ROBO1: variants seen among roughly 807,000 people sequenced by gnomAD.
ROBO1 encodes the protein roundabout guidance receptor 1.
In ROBO1, 149 loss-of-function variants were observed where a neutral mutation model predicts 195.9. That is an observed-to-expected ratio of 0.76 (90% confidence interval 0.67 to 0.87). The LOEUF (loss-of-function observed/expected upper bound fraction) is 0.87. Ranked by LOEUF, ROBO1 falls within the 40% of genes least tolerant of loss-of-function variation. The pLI, the probability that ROBO1 is intolerant of heterozygous loss-of-function variation, is 0.00. For missense variants in ROBO1, 1,933 were observed against 2,068.3 expected, an observed-to-expected ratio of 0.93 and a Z score of 1.27; for synonymous variants, 816 against 733.2, an observed-to-expected ratio of 1.11 and a Z score of -1.82.
intron 2 of ROBO1, among the ~76,000 whole-genome samples, chr3:79,311,507 A>G (rs368800273): frequency 1.4e-4 from 22 of 152,200 alleles, no homozygotes; most frequent in African/African-American, 4.3e-4. Flanking sequence ...TTACAAAGCT[A>G]TTTTCTCCAC....
chr3:79,414,580 C>T (rs2037919469), intron 2 of ROBO1, among the ~76,000 whole-genome samples: 1 of 152,072 alleles, frequency 6.6e-6, no homozygotes, highest in Non-Finnish European at 1.5e-5. Flanking sequence ...AAAGAAACCT[C>T]ATTACATTTA....
At chr3:78,995,676 G>A (rs1000136027) in intron 3 of ROBO1, among the ~76,000 whole-genome samples, 10 of 11,306 alleles carry the variant, frequency 8.8e-4, no homozygotes, top group African/African-American at 3.6e-4. Context: ...AGAGACCGGA[G>A]GATCACATGA....
At chr3:79,074,968 C>T (rs2108446128) in intron 3 of ROBO1, among the ~76,000 whole-genome samples, 1 of 151,712 alleles carries the variant, frequency 6.6e-6, no homozygotes, top group African/African-American at 2.4e-5. Flanking sequence ...AAACAGAAAC[C>T]TTTAATTGTG....
At position 78,867,456 on chromosome 3, in the gene ROBO1, A is replaced by C. The variant is rs189119719; in HGVS notation, c.499+71145T>G. Among the ~76,000 whole-genome samples, 4 of 152,314 alleles carry C rather than the reference A, an allele frequency of 2.6e-5. No homozygotes were observed. The East Asian group carries it at 7.7e-4, about 29-fold the overall frequency. On this transcript the variant is annotated intron_variant, in intron 4 of 30. Transcript: ENST00000464233. The stretch of plus-strand genomic sequence containing the variant: ...AGAAAGGATCTCTTGTGCATGAAAG[A>C]AAATTACCTTCTTTTCAGTAAGACA...
intron 1 of ROBO1, among the ~76,000 whole-genome samples, chr3:79,758,216 T>G (rs1202785554): frequency 1.3e-5 from 2 of 152,222 alleles, no homozygotes; most frequent in Non-Finnish European, 2.9e-5. Flanking sequence ...TCTCTGATGA[T>G]GGAAACCGTC....
chr3:78,736,649 G>C (rs1352367650), intron 5 of ROBO1, among the ~76,000 whole-genome samples: 1 of 152,166 alleles, frequency 6.6e-6, no homozygotes, highest in Non-Finnish European at 1.5e-5. Flanking sequence ...TGAAAAGACA[G>C]AGCAAGAACC....
chr3:78,721,943 G>A (rs2082054621), intron 5 of ROBO1, among the ~76,000 whole-genome samples: 1 of 152,008 alleles, frequency 6.6e-6, no homozygotes, highest in Non-Finnish European at 1.5e-5. Flanking sequence ...GAGTAATGAG[G>A]GCACTGCCAG....
At chr3:79,295,196 C>G (rs1467280891) in intron 2 of ROBO1, among the ~76,000 whole-genome samples, 5 of 152,146 alleles carry the variant, frequency 3.3e-5, no homozygotes, top group Non-Finnish European at 5.9e-5. Flanking sequence ...CTGGAACCAA[C>G]CCAAATGCCC....
intron 3 of ROBO1, among the ~76,000 whole-genome samples, chr3:78,996,213 C>T (rs1377583442): frequency 6.6e-6 from 1 of 151,972 alleles, no homozygotes; most frequent in Non-Finnish European, 1.5e-5. Context: ...AAGCCAGGCA[C>T]GGTGGCTCAC....
intron 2 of ROBO1, among the ~76,000 whole-genome samples, chr3:79,415,131 C>T (rs375399876): frequency 3.9e-5 from 6 of 152,046 alleles, no homozygotes; most frequent in Admixed American, 6.6e-5. Context: ...TGTGAGTAGT[C>T]GAAAGCCTTC....
intron 2 of ROBO1, among the ~76,000 whole-genome samples, chr3:79,451,925 A>G (rs1389106520): frequency 6.6e-6 from 1 of 152,050 alleles, no homozygotes; most frequent in African/African-American, 2.4e-5. Flanking sequence ...GAAAAAAAAA[A>G]GTTAAGCAAT....
At chr3:79,583,221 A>G (rs1426615865) in intron 2 of ROBO1, among the ~76,000 whole-genome samples, 1 of 151,976 alleles carries the variant, frequency 6.6e-6, no homozygotes, top group African/African-American at 2.4e-5. Flanking sequence ...CAAGCCATTA[A>G]GTTTATTATG....
At chr3:78,683,973 C>T (rs1047023644) in intron 10 of ROBO1, among the ~76,000 whole-genome samples, 1 of 151,830 alleles carries the variant, frequency 6.6e-6, no homozygotes, top group African/African-American at 2.4e-5. Context: ...AAGAGAATGA[C>T]CAGGAAGAAA....
chr3:79,240,422 T>C (rs1015816807), intron 2 of ROBO1, among the ~76,000 whole-genome samples: 1 of 152,188 alleles, frequency 6.6e-6, no homozygotes, highest in Admixed American at 6.5e-5. Flanking sequence ...GATTGTGTTT[T>C]AGCAGAATAA....
At chr3:78,600,495 T>C (rs1703109417) in intron 29 of ROBO1, among the ~76,000 whole-genome samples, 186 bp from the exon 30 acceptor site, 3 of 152,182 alleles carry the variant, frequency 2.0e-5, no homozygotes, top group Non-Finnish European at 4.4e-5. Flanking sequence ...GTATAAGCCT[T>C]GTTGTTTTCC....
intron 1 of ROBO1, among the ~76,000 whole-genome samples, chr3:79,653,279 A>G (rs1946066785): frequency 6.6e-6 from 1 of 151,930 alleles, no homozygotes; most frequent in African/African-American, 2.4e-5. Flanking sequence ...TTTAATTAAA[A>G]TATTTTCTTG....
chr3:79,239,731 CTT>C (rs893265261), intron 2 of ROBO1, among the ~76,000 whole-genome samples: 5 of 152,118 alleles, frequency 3.3e-5, no homozygotes, highest in African/African-American at 1.2e-4. Context: ...ATTGCATTCT[CTT>C]TTACATCTGT....
At position 79,504,346 on chromosome 3, in the gene ROBO1, T is replaced by A. The variant is rs768327448; in HGVS notation, c.88+85478A>T. Among the ~76,000 whole-genome samples the A allele has an allele frequency of 2.6e-5, 4 of 152,106 alleles. No individual in the cohort carries two copies. The East Asian group carries it at 7.7e-4, about 29-fold the overall frequency. Reference sequence around the variant, plus strand: ...AAATCTCCAGACTAATATAAATGTATAAATATATATTCATATTTTTGTTAG... The same window carrying A: ...AAATCTCCAGACTAATATAAATGTAAAAATATATATTCATATTTTTGTTAG... On this transcript the variant is annotated intron_variant, in intron 2 of 30. Transcript: ENST00000464233.
At chr3:78,819,604 T>C (rs2030640581) in intron 4 of ROBO1, among the ~76,000 whole-genome samples, 1 of 152,194 alleles carries the variant, frequency 6.6e-6, no homozygotes, top group Admixed American at 6.5e-5. Context: ...TCAAGTTTTA[T>C]GTCTGTGTGT....
Sources: allele counts gnomAD v4.1 joint callset (sites outside exome capture counted in the v4.1 genomes callset), GRCh38; gene constraint gnomAD v4.1.1; transcripts MANE v1.5; gene names NCBI Gene and HGNC (gene_info 2026-07-23, HGNC 2026-07-21).